SPATA6: variants seen among roughly 807,000 people sequenced by gnomAD.
The protein encoded by SPATA6 is spermatogenesis associated 6, also known as spermatogenesis-associated protein 6.
Under a neutral mutation model 65.3 loss-of-function variants are expected in SPATA6, and 56 were observed. The ratio of observed to expected loss-of-function variants is 0.86; its 90% CI spans 0.69 to 1.07. The LOEUF is 1.07. Ranked by LOEUF, SPATA6 falls within the 50% of genes least tolerant of loss-of-function variation. SPATA6 has a pLI of 0.00. For missense variants in SPATA6, 590 were observed against 594.8 expected, an observed-to-expected ratio of 0.99 and a Z score of 0.08; for synonymous variants, 199 against 213.2, an observed-to-expected ratio of 0.93 and a Z score of 0.58.
chr1:48,397,688 T>A (rs1177438679), intron 7 of SPATA6, among the ~76,000 whole-genome samples: 2 of 151,594 alleles, frequency 1.3e-5, no homozygotes. Context: ...CATGAATGGC[T>A]ATGGAGGAAA....
chr1:48,335,466 A>G (rs901453089), intron 11 of SPATA6, among the ~76,000 whole-genome samples: 1 of 152,176 alleles, frequency 6.6e-6, no homozygotes, highest in African/African-American at 2.4e-5. Flanking sequence ...AACAGAAGAG[A>G]GAGCCAAGAA....
At chr1:48,462,388 A>G (rs1382380977) in intron 1 of SPATA6, among the ~76,000 whole-genome samples, 5 of 152,216 alleles carry the variant, frequency 3.3e-5, no homozygotes, top group Non-Finnish European at 7.3e-5. Context: ...AGAATTTTCA[A>G]GAACTACAGA....
intron 3 of SPATA6, among the ~76,000 whole-genome samples, chr1:48,444,159 T>C (rs1655784613): frequency 6.6e-6 from 1 of 152,146 alleles, no homozygotes. Context: ...TGTGTCTAGC[T>C]AAAGGATTGT....
At chr1:48,267,937 G>C in the SPATA6 span, among the ~76,000 whole-genome samples, 2,199 of 151,732 alleles carry the variant, frequency 0.014, 51 homozygotes, top group African/African-American at 0.05. Context: ...ATTTTTAGTA[G>C]AGACGGGGTT....
intron 1 of SPATA6, among the ~76,000 whole-genome samples, chr1:48,455,404 T>C (rs1656922177): frequency 6.6e-6 from 1 of 151,024 alleles, no homozygotes. Context: ...TTTGAGACAG[T>C]GTCTCACTCT....
chr1:48,457,401 C>G (rs1657088904), intron 1 of SPATA6, among the ~76,000 whole-genome samples: 1 of 151,946 alleles, frequency 6.6e-6, no homozygotes, highest in Non-Finnish European at 1.5e-5. Flanking sequence ...CACTGCACTC[C>G]AGCCTGGGCA....
At chr1:48,293,263 G>A (rs1644780101), downstream of SPATA6, among the ~76,000 whole-genome samples, 2 of 152,228 alleles carry the variant, frequency 1.3e-5, no homozygotes, top group Admixed American at 1.3e-4. Context: ...ATTTTCACCT[G>A]AGGGTAACAT....
intron 6 of SPATA6, 101 bp downstream of exon 6, chr1:48,403,701 A>C: frequency 1.1e-6 from 1 of 890,500 alleles, no homozygotes; most frequent in Non-Finnish European, 1.7e-6. Flanking sequence ...CCCCCCAAAA[A>C]GTGAAAAGAG....
At position 48,437,339 on chromosome 1, in the gene SPATA6, G is replaced by A. The variant is rs1382326087; in HGVS notation, c.238+14213C>T. On this transcript the variant is annotated intron_variant, in intron 3 of 12. Coordinates refer to ENST00000371847, the MANE Select transcript of SPATA6 (RefSeq NM_019073.4). ...ACTTGAAAATACAGTTGGTGCACTG[G>A]AGAATCTATTATTTAAAACCACTCT... is the stretch of plus-strand genomic sequence containing the variant. 2.3e-5 allele frequency: 35 copies of A among 1,501,868 alleles called. No individual in the cohort carries two copies. In the East Asian group the frequency reaches 8.0e-4, roughly 35 times the overall value. The allele number at this position is 1,501,868 out of a possible 1,614,324, so 93.0% of individuals were successfully genotyped here.
chr1:48,396,124 A>C (rs1036273880), intron 7 of SPATA6, among the ~76,000 whole-genome samples: 1 of 151,826 alleles, frequency 6.6e-6, no homozygotes, highest in African/African-American at 2.4e-5. Context: ...AACCCTAATC[A>C]TTAAGGAGAC....
chr1:48,284,030 A>G, the SPATA6 span, among the ~76,000 whole-genome samples: 5 of 151,972 alleles, frequency 3.3e-5, no homozygotes, highest in East Asian at 7.8e-4. Flanking sequence ...GTGTTTTTCA[A>G]CTTGGTTCCA....
At chr1:48,374,946 T>C (rs1647713376) in intron 9 of SPATA6, among the ~76,000 whole-genome samples, 1 of 152,198 alleles carries the variant, frequency 6.6e-6, no homozygotes, top group African/African-American at 2.4e-5. Flanking sequence ...TACTGTATTA[T>C]GTCATAAACT....
intron 11 of SPATA6, among the ~76,000 whole-genome samples, chr1:48,335,257 A>C (rs990667901): frequency 1.3e-5 from 2 of 151,866 alleles, no homozygotes; most frequent in Admixed American, 1.3e-4. Context: ...ACCAATGAAA[A>C]TTTTCAAATA....
downstream of SPATA6, among the ~76,000 whole-genome samples, chr1:48,294,046 T>C (rs991150651): frequency 2.0e-5 from 3 of 152,266 alleles, no homozygotes; most frequent in Admixed American, 2.0e-4. Flanking sequence ...CCTCTTCGTT[T>C]CGTACATTGA....
chr1:48,369,562 G>T (rs1647163452), intron 9 of SPATA6, among the ~76,000 whole-genome samples: 2 of 152,220 alleles, frequency 1.3e-5, no homozygotes, highest in African/African-American at 4.8e-5. Flanking sequence ...GACTCCGTGG[G>T]CGTAGGACCC....
chr1:48,379,901 T>G (rs1296014781), intron 9 of SPATA6, among the ~76,000 whole-genome samples: 8 of 152,192 alleles, frequency 5.3e-5, no homozygotes, highest in Non-Finnish European at 1.2e-4. Context: ...TTTACGTGTA[T>G]GATAGCCTTA....
the SPATA6 span, among the ~76,000 whole-genome samples, chr1:48,283,832 C>T: frequency 6.6e-6 from 1 of 151,966 alleles, no homozygotes; most frequent in Non-Finnish European, 1.5e-5. Context: ...TTGTGGGTAA[C>T]CCGACCTTTC....
intron 11 of SPATA6, among the ~76,000 whole-genome samples, chr1:48,336,511 T>C (rs917809931): frequency 1.3e-4 from 20 of 152,030 alleles, no homozygotes; most frequent in African/African-American, 4.6e-4. Flanking sequence ...CCATTATCCT[T>C]AGCAAAGTAA....
intron 9 of SPATA6, among the ~76,000 whole-genome samples, chr1:48,364,919 T>C (rs1312394497): frequency 6.6e-6 from 1 of 152,340 alleles, no homozygotes; most frequent in East Asian, 1.9e-4. Context: ...TTCTAGGGTT[T>C]TTATGGTTTT....
Sources: gnomAD v4.1 joint callset for allele counts (sites outside exome capture counted in the v4.1 genomes callset) on GRCh38, gnomAD v4.1.1 for gene constraint, MANE v1.5 for transcripts, NCBI Gene and HGNC (gene_info 2026-07-23, HGNC 2026-07-21) for gene names.